LEKR1: variants seen among roughly 807,000 people sequenced by gnomAD.
The protein encoded by LEKR1 is protein LEKR1.
Under a neutral mutation model 72.4 loss-of-function variants are expected in LEKR1, and 59 were observed. The ratio of observed to expected loss-of-function variants is 0.82; its 90% CI spans 0.66 to 1.01. LEKR1 has a LOEUF of 1.01. Ranked by LOEUF, LEKR1 falls within the 50% of genes least tolerant of loss-of-function variation. The pLI is 0.00. For missense variants in LEKR1, 728 were observed against 759.2 expected (o/e 0.96, Z 0.48); for synonymous variants, 257 against 263.2 (o/e 0.98, Z 0.23).
chr3:156,947,376 A>G (rs759308156), intron 6 of LEKR1, among the ~76,000 whole-genome samples: 9 of 151,216 alleles, frequency 6.0e-5, no homozygotes, highest in Non-Finnish European at 1.0e-4. Context: ...TTCTCACTAC[A>G]TAGAACTACT....
Position 157,045,647 on chromosome 3 carries a change from C to A in LEKR1, c.1976C>A (p.Pro659His), listed in dbSNP as rs745750426. 5.6e-6 allele frequency: 9 copies of A among 1,614,066 alleles called. No homozygotes were observed. Among genetic ancestry groups the A allele is most frequent in the Admixed American group, 1.7e-5 (1 of 59,988 alleles). ...DKPKRVRSGVPILPQPHPPRG... is the reference protein window; with the variant it reads ...DKPKRVRSGVHILPQPHPPRG... ...CCGAAGAGGGTTAGATCAGGCGTGC[C>A]CATTCTCCCCCAGCCACATCCTCCC... is the stretch of plus-strand genomic sequence containing the variant. Residue 659 changes from proline to histidine, a missense_variant, in exon 13 of 13, where the codon CCC becomes CAC. Pro to His is a moderately conservative substitution (Grantham distance 77, BLOSUM62 -2). Coordinates refer to ENST00000356539, the MANE Select transcript of LEKR1 (RefSeq NM_001004316.3).
chr3:157,005,477 C>T (rs1183026186), intron 9 of LEKR1, among the ~76,000 whole-genome samples: 6 of 152,064 alleles, frequency 3.9e-5, no homozygotes, highest in Non-Finnish European at 5.9e-5. Context: ...ATTCTGATAA[C>T]AAAACCTGAC....
rs373872998 is a variant in LEKR1 at position 157,028,094 on chromosome 3, A to G, written c.1369-9A>G. On this transcript the variant is annotated splice_polypyrimidine_tract_variant and intron_variant, in intron 11 of 12. Transcript: ENST00000356539. ...TCGCCTACAAGCTAATATGAGATTT[A>G]TCTTACAGATATCTGACTTAATCAC... 2.8e-5 allele frequency: 43 copies of G among 1,539,894 alleles called. No homozygotes were observed. The highest frequency in any genetic ancestry group is 3.8e-5 in the South Asian group (3 of 79,136).
At chr3:156,929,940 A>G (rs191475214) in intron 5 of LEKR1, among the ~76,000 whole-genome samples, 1 of 152,308 alleles carries the variant, frequency 6.6e-6, no homozygotes, top group Admixed American at 6.5e-5. Context: ...CTTTTTTGAC[A>G]TTGGATAAAA....
chr3:156,927,390 C>G (rs1301929528), intron 4 of LEKR1, 39 bp from the exon 5 acceptor site: 3 of 828,480 alleles, frequency 3.6e-6, no homozygotes, highest in South Asian at 2.2e-5. Flanking sequence ...GTTATGCTTA[C>G]TATTTTTTAA....
At chr3:156,979,451 T>A (rs964250883) in intron 7 of LEKR1, 176 bp downstream of exon 7, 122 of 319,210 alleles carry the variant, frequency 3.8e-4, no homozygotes, top group African/African-American at 2.5e-3. Context: ...TTGCCCACTT[T>A]ACTGGCCTAG....
At position 157,041,105 on chromosome 3, in the gene LEKR1, A is replaced by T. The variant is rs2874530; in HGVS notation, c.1669-4235A>T. On this transcript the variant is annotated intron_variant, in intron 12 of 12. Transcript: ENST00000356539. ...TTTTCATTTTGACATTTTCCTTCTC[A>T]GGGGGAGGGCAATTAAGTCATATTT... Among the ~76,000 whole-genome samples, 1,075 of 152,234 alleles carry T rather than the reference A, an allele frequency of 7.1e-3. 16 individuals are homozygous for T. Among genetic ancestry groups the T allele is most frequent in the African/African-American group, 0.025 (1,022 of 41,528 alleles).
intron 9 of LEKR1, among the ~76,000 whole-genome samples, chr3:156,994,058 G>A (rs1731351311): frequency 6.6e-6 from 1 of 151,912 alleles, no homozygotes; most frequent in South Asian, 2.1e-4. Flanking sequence ...AGTTTCATAA[G>A]GGCAGGAATT....
chr3:156,943,015 A>G (rs754600346), intron 6 of LEKR1, among the ~76,000 whole-genome samples: 5 of 151,948 alleles, frequency 3.3e-5, no homozygotes, highest in African/African-American at 1.2e-4. Context: ...GTGCTCTTCT[A>G]TGTTTCCTTG....
At position 157,036,582 on chromosome 3, in the gene LEKR1, T is replaced by C. The variant is rs575654752; in HGVS notation, c.1668+8180T>C. 3.0e-4 allele frequency among the ~76,000 whole-genome samples: 45 copies of C among 152,076 alleles called. 1 individual carries two copies. The South Asian group carries it at 8.7e-3, about 30-fold the overall frequency. On this transcript the variant is annotated intron_variant, in intron 12 of 12. Coordinates refer to ENST00000356539, the MANE Select transcript of LEKR1 (RefSeq NM_001004316.3). Reference sequence around the variant, plus strand: ...TTTCAGAAAGCTGTTAGAAGATATATGACAGCACAATGATGGAATAAGTAA... The same window carrying C: ...TTTCAGAAAGCTGTTAGAAGATATACGACAGCACAATGATGGAATAAGTAA...
intron 9 of LEKR1, among the ~76,000 whole-genome samples, chr3:157,006,938 A>G (rs1400365975): frequency 1.4e-4 from 22 of 152,192 alleles, no homozygotes; most frequent in Admixed American, 1.4e-3. Context: ...ACGGCGGCTC[A>G]CGCCTGTAAT....
At chr3:156,967,152 G>A (rs969477394) in intron 6 of LEKR1, among the ~76,000 whole-genome samples, 1 of 152,002 alleles carries the variant, frequency 6.6e-6, no homozygotes, top group Non-Finnish European at 1.5e-5. Context: ...AAAGACCAAA[G>A]GTAGGTAAAA....
At chr3:156,910,511 G>T (rs191319110) in intron 3 of LEKR1, among the ~76,000 whole-genome samples, 6 of 152,282 alleles carry the variant, frequency 3.9e-5, no homozygotes, top group Admixed American at 6.5e-5. Context: ...ACTGTGGTCA[G>T]CACCTGAGTA....
intron 2 of LEKR1, among the ~76,000 whole-genome samples, chr3:156,842,584 C>T (rs180751781): frequency 3.8e-4 from 58 of 152,194 alleles, no homozygotes; most frequent in African/African-American, 7.7e-4. Flanking sequence ...CTATGCCACA[C>T]TGTACTATTA....
At chr3:156,879,771 T>A (rs954025912) in intron 3 of LEKR1, among the ~76,000 whole-genome samples, 2 of 152,174 alleles carry the variant, frequency 1.3e-5, no homozygotes, top group African/African-American at 4.8e-5. Context: ...CTAGACACAC[T>A]AGCCATGGCT....
intron 3 of LEKR1, among the ~76,000 whole-genome samples, chr3:156,906,101 G>A (rs1016656933): frequency 7.9e-5 from 12 of 152,098 alleles, no homozygotes; most frequent in African/African-American, 2.7e-4. Context: ...GATTACAGGT[G>A]GTAAAATCCT....
chr3:157,001,567 T>G (rs1013085572), intron 9 of LEKR1, among the ~76,000 whole-genome samples: 1 of 152,172 alleles, frequency 6.6e-6, no homozygotes, highest in African/African-American at 2.4e-5. Flanking sequence ...TTTAATAAAG[T>G]TTTTAAAATA....
Position 156,829,339 on chromosome 3 carries a change from C to G in LEKR1, c.10C>G (p.His4Asp), listed in dbSNP as rs754784529. 5 of 1,534,212 alleles carry G rather than the reference C, an allele frequency of 3.3e-6. No individual in the cohort carries two copies. The highest frequency in any genetic ancestry group is 1.4e-5 in the African/African-American group (1 of 72,936). MDH[H>D]IPMHALPEEI... ...CATATTTTGGGAAGTTATGGATCAT[C>G]ACATTCCCATGCATGCGTTGCCTGA... is the stretch of plus-strand genomic sequence containing the variant. Residue 4 changes from histidine to aspartate, a missense_variant, in exon 2 of 13, where the codon CAC becomes GAC. Transcript: ENST00000356539.
At chr3:156,936,467 C>CACACACACACACACA (rs767163001) in intron 5 of LEKR1, among the ~76,000 whole-genome samples, 847 of 70,130 alleles carry the variant, frequency 0.012, 18 homozygotes, top group African/African-American at 0.026. Context: ...ACACACACAC[C>CACACACACACACACA]CCCCGTATGC....
Sources: gnomAD v4.1 joint callset for allele counts (sites outside exome capture counted in the v4.1 genomes callset) on GRCh38, gnomAD v4.1.1 for gene constraint, MANE v1.5 for transcripts, NCBI Gene and HGNC (gene_info 2026-07-23, HGNC 2026-07-21) for gene names.